The following PTPRT variants were observed in gnomAD, a reference collection of about 807,000 sequenced individuals.
PTPRT encodes receptor-type tyrosine-protein phosphatase T.
Under a neutral mutation model 176.8 loss-of-function variants are expected in PTPRT, and 56 were observed. The observed-to-expected ratio is 0.32, with a 90% CI of 0.26 to 0.40. The LOEUF is 0.40. Among genes scored for constraint, PTPRT ranks in the 10% least tolerant of loss-of-function variants. The pLI is 1.00. For synonymous variants in PTPRT, 783 were observed against 739.0 expected (o/e 1.06, Z -0.96); for missense variants, 1,540 against 1,908.2 (o/e 0.81, Z 3.60).
At chr20:42,222,937 T>A (rs2055918365) in intron 15 of PTPRT, among the ~76,000 whole-genome samples, 1 of 152,166 alleles carries the variant, frequency 6.6e-6, no homozygotes, top group African/African-American at 2.4e-5. Flanking sequence ...TCATGGGGAC[T>A]GAGCCCCTAA....
At chr20:42,179,893 A>G (rs1990443621) in intron 16 of PTPRT, among the ~76,000 whole-genome samples, 1 of 152,234 alleles carries the variant, frequency 6.6e-6, no homozygotes, top group Admixed American at 6.5e-5. Flanking sequence ...AGCCAGCTGT[A>G]GTAATAGCAG....
At chr20:42,936,681 T>A (rs1375202213) in intron 1 of PTPRT, among the ~76,000 whole-genome samples, 2 of 152,140 alleles carry the variant, frequency 1.3e-5, no homozygotes, top group Non-Finnish European at 2.9e-5. Flanking sequence ...GATGACGTAA[T>A]CTGGGGCAGC....
intron 15 of PTPRT, among the ~76,000 whole-genome samples, chr20:42,202,223 G>C (rs759479261): frequency 2.0e-5 from 3 of 152,116 alleles, no homozygotes; most frequent in Non-Finnish European, 4.4e-5. Flanking sequence ...GCCTGCATTG[G>C]CCTCCCAAAG....
chr20:42,303,546 A>G (rs997693023), intron 12 of PTPRT, among the ~76,000 whole-genome samples: 8 of 152,140 alleles, frequency 5.3e-5, no homozygotes, highest in Non-Finnish European at 8.8e-5. Flanking sequence ...CACAGATTCA[A>G]CCCCAGCTCG....
chr20:42,665,863 T>C (rs994495328), intron 7 of PTPRT, among the ~76,000 whole-genome samples: 6 of 145,626 alleles, frequency 4.1e-5, no homozygotes, highest in Non-Finnish European at 5.9e-5. Context: ...AAACACCACA[T>C]GTTCTCACTC....
intron 1 of PTPRT, among the ~76,000 whole-genome samples, chr20:43,022,300 G>A (rs915559753): frequency 2.6e-5 from 4 of 152,140 alleles, no homozygotes; most frequent in African/African-American, 9.7e-5. Context: ...GCCCTGGATT[G>A]CTGGCAATGG....
At chr20:42,141,874 C>G in intron 18 of PTPRT, 41 bp downstream of exon 18, 1 of 1,546,776 alleles carries the variant, frequency 6.5e-7, no homozygotes, top group Non-Finnish European at 8.9e-7. Flanking sequence ...CCCCTGCATC[C>G]TCAACACCTG....
chr20:42,945,032 TTGTG>T (rs910979124), intron 1 of PTPRT, among the ~76,000 whole-genome samples: 3 of 149,650 alleles, frequency 2.0e-5, no homozygotes, highest in Admixed American at 6.7e-5. Flanking sequence ...TTATAAAATG[TTGTG>T]TGTGTGTGTG....
rs73907080 is a variant in PTPRT at position 42,077,673 on chromosome 20, C to T, written c.*3206G>A. ...AGGGAAGTCATCCCCATCCATAAGCCTCAATTTCTTCCTGTGTGCACTGGC... is the reference window on the plus strand; with the variant it reads ...AGGGAAGTCATCCCCATCCATAAGCTTCAATTTCTTCCTGTGTGCACTGGC... On this transcript the variant is annotated 3_prime_UTR_variant, in exon 31 of 31. Coordinates refer to ENST00000373187, the MANE Select transcript of PTPRT (RefSeq NM_007050.6). The T allele has an allele frequency of 3.7e-3, 818 of 220,206 alleles. 5 individuals are homozygous for T. The highest frequency in any genetic ancestry group is 0.017 in the African/African-American group (763 of 44,680). 13.6% of individuals were successfully genotyped at this position (220,206 alleles called of 1,614,324 possible). A position where few individuals can be genotyped will look rare whatever the true frequency, so the allele number is the denominator to read the frequency against.
intron 1 of PTPRT, among the ~76,000 whole-genome samples, chr20:43,183,654 T>C (rs1047890457): frequency 3.3e-5 from 5 of 152,236 alleles, no homozygotes; most frequent in African/African-American, 1.2e-4. Flanking sequence ...CAAACATCTC[T>C]TGAGAGCAGC....
intron 1 of PTPRT, among the ~76,000 whole-genome samples, chr20:43,113,342 C>T (rs931424040): frequency 6.6e-6 from 1 of 152,170 alleles, no homozygotes; most frequent in Non-Finnish European, 1.5e-5. Context: ...TCTAATTAGC[C>T]GCAATCTGAT....
intron 7 of PTPRT, among the ~76,000 whole-genome samples, chr20:42,653,410 T>C (rs1256764248): frequency 2.6e-5 from 4 of 152,230 alleles, no homozygotes. Context: ...CAGTCTTGTA[T>C]GGCTTACAGC....
At chr20:43,006,623 G>A (rs1568729888) in intron 1 of PTPRT, among the ~76,000 whole-genome samples, 1 of 152,158 alleles carries the variant, frequency 6.6e-6, no homozygotes, top group Non-Finnish European at 1.5e-5. Context: ...TATGAAAATA[G>A]ATGAGAAGCA....
At chr20:42,556,001 T>G (rs545632861) in intron 7 of PTPRT, among the ~76,000 whole-genome samples, 1 of 152,308 alleles carries the variant, frequency 6.6e-6, no homozygotes, top group South Asian at 2.1e-4. Flanking sequence ...GTGACATTTA[T>G]GCCAAGACTG....
chr20:42,240,032 T>C (rs553328846), intron 14 of PTPRT, among the ~76,000 whole-genome samples: 1 of 152,304 alleles, frequency 6.6e-6, no homozygotes, highest in South Asian at 2.1e-4. Flanking sequence ...ATTCTGGACC[T>C]TCTAGTTTTT....
At chr20:42,430,632 T>A (rs1361727383) in intron 9 of PTPRT, among the ~76,000 whole-genome samples, 4 of 152,122 alleles carry the variant, frequency 2.6e-5, no homozygotes, top group African/African-American at 9.7e-5. Context: ...CAATTCAGAG[T>A]TCCCATGGGG....
intron 9 of PTPRT, among the ~76,000 whole-genome samples, chr20:42,377,166 T>C (rs1047724121): frequency 2.0e-5 from 3 of 152,172 alleles, no homozygotes; most frequent in African/African-American, 7.2e-5. Context: ...TGAAGAACCT[T>C]TGCAGAAACA....
chr20:42,791,339 C>T lies in PTPRT; in HGVS notation c.342G>A (p.Arg114=), dbSNP rs1225595506. 3.7e-6 allele frequency: 6 copies of T among 1,614,070 alleles called. No homozygotes were observed. Among genetic ancestry groups the T allele is most frequent in the Non-Finnish European group, 5.1e-6 (6 of 1,180,036 alleles). Reference sequence around the variant, plus strand: ...AGACGTTCAAGGCCCCTGGGCTGGACCTGTCACGGCTGGAGAAGTAGTAAT... The same window carrying T: ...AGACGTTCAAGGCCCCTGGGCTGGATCTGTCACGGCTGGAGAAGTAGTAAT... The part of the protein sequence containing the change: ...DFHYYFSSRD[R]SSPGALNVYV... Residue 114 remains arginine (R), a synonymous_variant, in exon 3 of 31, where the codon AGG becomes AGA. Coordinates refer to ENST00000373187, the MANE Select transcript of PTPRT (RefSeq NM_007050.6).
At chr20:42,763,160 G>A (rs1320935377) in intron 5 of PTPRT, among the ~76,000 whole-genome samples, 1 of 152,154 alleles carries the variant, frequency 6.6e-6, no homozygotes, top group Non-Finnish European at 1.5e-5. Context: ...TATCTATCAA[G>A]GTTTCTGTAA....
Sources: allele counts gnomAD v4.1 joint callset (sites outside exome capture counted in the v4.1 genomes callset), GRCh38; gene constraint gnomAD v4.1.1; transcripts MANE v1.5; gene names NCBI Gene and HGNC (gene_info 2026-07-23, HGNC 2026-07-21).